Variants in CADPS observed in about 807,000 individuals in gnomAD.
CADPS encodes calcium-dependent secretion activator 1.
In CADPS, 57 loss-of-function variants were observed where a neutral mutation model predicts 167.3. That is an observed-to-expected ratio of 0.34 (90% CI 0.28 to 0.42). The LOEUF is 0.42. CADPS is among the 20% of genes least tolerant of loss of function. The probability of loss-of-function intolerance (pLI) is 1.00; values close to 1 mark genes in which losing one functional copy is unlikely to be tolerated. For synonymous variants in CADPS, 676 were observed against 635.3 expected (o/e 1.06, Z -0.96); for missense variants, 1,414 against 1,738.1 (o/e 0.81, Z 3.32).
chr3:62,682,517 G>A (rs2077309121), intron 3 of CADPS, among the ~76,000 whole-genome samples: 2 of 152,044 alleles, frequency 1.3e-5, no homozygotes, highest in South Asian at 2.1e-4. Flanking sequence ...TGAGTGACAG[G>A]ATTTTCAAAC....
intron 1 of CADPS, among the ~76,000 whole-genome samples, chr3:62,810,882 A>G (rs961041014): frequency 6.6e-6 from 1 of 152,234 alleles, no homozygotes; most frequent in Non-Finnish European, 1.5e-5. Context: ...GCTGTGCACA[A>G]AGCACAAAGG....
intron 12 of CADPS, among the ~76,000 whole-genome samples, chr3:62,534,041 A>G (rs537741203): frequency 1.3e-5 from 2 of 152,312 alleles, no homozygotes; most frequent in East Asian, 3.9e-4. Context: ...CGCACTTAAG[A>G]AAACAGGTGC....
chr3:62,695,732 A>G (rs1465390608), intron 3 of CADPS, among the ~76,000 whole-genome samples: 1 of 152,070 alleles, frequency 6.6e-6, no homozygotes, highest in East Asian at 1.9e-4. Flanking sequence ...ATGCAGTGGC[A>G]TGATCATGGC....
Position 62,851,178 on chromosome 3 carries a change from G to A in CADPS, c.441+23411C>T, listed in dbSNP as rs925204503. On this transcript the variant is annotated intron_variant, in intron 1 of 29. Coordinates refer to ENST00000383710, the MANE Select transcript of CADPS (RefSeq NM_003716.4). ...TGAGCCTATGTGTGTCTCTGCACGT[G>A]AGATGGGTTTCCTGAATACAGCACA... Among the ~76,000 whole-genome samples the A allele has an allele frequency of 1.1e-4, 15 of 139,996 alleles. No homozygotes were observed. The East Asian group carries it at 1.7e-3, about 15-fold the overall frequency. 91.8% of individuals were successfully genotyped at this position (139,996 alleles called of 152,430 possible). A position where few individuals can be genotyped will look rare whatever the true frequency, so the allele number is the denominator to read the frequency against.
intron 10 of CADPS, among the ~76,000 whole-genome samples, chr3:62,555,287 G>T (rs2077953514): frequency 6.6e-6 from 1 of 152,188 alleles, no homozygotes; most frequent in Admixed American, 6.5e-5. Flanking sequence ...GATGTAAAAA[G>T]AAATAAGCTT....
chr3:62,592,612 T>C (rs1428062804), intron 7 of CADPS, 25 bp downstream of exon 7: 2 of 1,558,994 alleles, frequency 1.3e-6, no homozygotes, highest in Non-Finnish European at 8.8e-7. Flanking sequence ...TCTGTGGAGT[T>C]CCCCTTGTGA....
Position 62,599,840 on chromosome 3 carries a change from T to A in CADPS, c.1326-7092A>T, listed in dbSNP as rs1334345478. On this transcript the variant is annotated intron_variant, in intron 6 of 29. Coordinates refer to ENST00000383710, the MANE Select transcript of CADPS (RefSeq NM_003716.4). ...TATTATATATTATATATATAATATA[T>A]TATATATATATAATATATATAATAT... 6.1e-3 allele frequency among the ~76,000 whole-genome samples: 68 copies of A among 11,142 alleles called. 1 individual carries two copies. The highest frequency in any genetic ancestry group is 0.053 in the East Asian group (5 of 94). 7.3% of individuals were successfully genotyped at this position (11,142 alleles called of 152,430 possible).
At chr3:62,547,399 C>T (rs566303034) in intron 11 of CADPS, among the ~76,000 whole-genome samples, 1 of 152,146 alleles carries the variant, frequency 6.6e-6, no homozygotes, top group Non-Finnish European at 1.5e-5. Context: ...CTTTTAGAAC[C>T]TGGTAGATGT....
At chr3:62,561,587 T>C (rs1230952089) in intron 9 of CADPS, among the ~76,000 whole-genome samples, 64 of 152,112 alleles carry the variant, frequency 4.2e-4, no homozygotes, top group Non-Finnish European at 2.9e-5. Context: ...TCTTAATACA[T>C]GTTAAAATCT....
At chr3:62,808,506 T>G (rs778004335) in intron 1 of CADPS, among the ~76,000 whole-genome samples, 21 of 152,142 alleles carry the variant, frequency 1.4e-4, no homozygotes, top group Non-Finnish European at 2.1e-4. Context: ...TTTATTTTCC[T>G]TAGTGGCACC....
At chr3:62,786,956 G>T (rs752761926) in intron 1 of CADPS, among the ~76,000 whole-genome samples, 1 of 152,026 alleles carries the variant, frequency 6.6e-6, no homozygotes, top group Non-Finnish European at 1.5e-5. Context: ...TGAATCTAAG[G>T]ATATTTCTGA....
At chr3:62,501,442 G>A (rs748969097) in intron 17 of CADPS, among the ~76,000 whole-genome samples, 17 of 152,144 alleles carry the variant, frequency 1.1e-4, no homozygotes, top group South Asian at 2.1e-4. Flanking sequence ...TTTTTTGTTC[G>A]TTGATATTCA....
intron 6 of CADPS, among the ~76,000 whole-genome samples, chr3:62,644,588 C>G (rs1474469123): frequency 1.3e-5 from 2 of 152,160 alleles, no homozygotes; most frequent in African/African-American, 4.8e-5. Flanking sequence ...TGGTATGGCC[C>G]TGCCTGCCTC....
At chr3:62,650,149 C>G (rs1485287928) in intron 5 of CADPS, among the ~76,000 whole-genome samples, 1 of 152,074 alleles carries the variant, frequency 6.6e-6, no homozygotes, top group Non-Finnish European at 1.5e-5. Flanking sequence ...TCAGAAAATG[C>G]TAACCTATTT....
chr3:62,815,634 C>G (rs575520413), intron 1 of CADPS, among the ~76,000 whole-genome samples: 15 of 152,194 alleles, frequency 9.9e-5, no homozygotes, highest in African/African-American at 3.6e-4. Context: ...CACTCCTGCC[C>G]CATGTGTTTC....
intron 13 of CADPS, among the ~76,000 whole-genome samples, chr3:62,528,248 C>T (rs1477731379): frequency 6.6e-6 from 1 of 152,160 alleles, no homozygotes; most frequent in African/African-American, 2.4e-5. Context: ...GTCAGAATAT[C>T]CATGTTTGAA....
At chr3:62,690,194 C>T (rs1230767686) in intron 3 of CADPS, among the ~76,000 whole-genome samples, 2 of 151,894 alleles carry the variant, frequency 1.3e-5, no homozygotes, top group Non-Finnish European at 1.5e-5. Flanking sequence ...GGCAGCTGCC[C>T]CTGTTAAGTG....
At chr3:62,476,619 T>C (rs548732640) in intron 23 of CADPS, among the ~76,000 whole-genome samples, 32 of 152,290 alleles carry the variant, frequency 2.1e-4, no homozygotes, top group African/African-American at 7.7e-4. Flanking sequence ...CGTGAAGACA[T>C]GATTACAGCA....
chr3:62,436,132 A>T (rs2054981500), intron 28 of CADPS, among the ~76,000 whole-genome samples: 1 of 152,092 alleles, frequency 6.6e-6, no homozygotes, highest in Admixed American at 6.6e-5. Flanking sequence ...AAAAGAGATA[A>T]TGTGCCTTGC....
Sources: allele counts gnomAD v4.1 joint callset (sites outside exome capture counted in the v4.1 genomes callset), GRCh38; gene constraint gnomAD v4.1.1; transcripts MANE v1.5; gene names NCBI Gene and HGNC (gene_info 2026-07-23, HGNC 2026-07-21).